Variants in FLT3 observed in about 807,000 individuals in gnomAD.
FLT3 encodes the protein fms related receptor tyrosine kinase 3, also known as receptor-type tyrosine-protein kinase FLT3.
In FLT3, 46 loss-of-function variants were observed where a neutral mutation model predicts 126.6. The ratio of observed to expected loss-of-function variants is 0.36; its 90% CI spans 0.29 to 0.46. The LOEUF (loss-of-function observed/expected upper bound fraction) is 0.46. Among genes scored for constraint, FLT3 ranks in the 20% least tolerant of loss-of-function variants. FLT3 has a pLI of 1.00. For synonymous variants in FLT3, 404 were observed against 434.4 expected (o/e 0.93, Z 0.87); for missense variants, 1,069 against 1,190.3 (o/e 0.90, Z 1.50).
intron 23 of FLT3, among the ~76,000 whole-genome samples, chr13:28,009,880 A>T (rs1287603659): frequency 6.6e-6 from 1 of 152,082 alleles, no homozygotes; most frequent in Admixed American, 6.6e-5. Context: ...CTTAAAACAA[A>T]ACAAACTTAT....
At chr13:28,093,225 C>A (rs1459080701) in intron 1 of FLT3, among the ~76,000 whole-genome samples, 1 of 150,704 alleles carries the variant, frequency 6.6e-6, no homozygotes, top group African/African-American at 2.5e-5. Flanking sequence ...CACACCTGGC[C>A]TCTTTTTTTT....
At chr13:28,073,180 A>AT in intron 1 of FLT3, among the ~76,000 whole-genome samples, 1 of 151,884 alleles carries the variant, frequency 6.6e-6, no homozygotes, top group African/African-American at 2.4e-5. Flanking sequence ...ATCTCTAAAA[A>AT]TTTTTTTTAA....
At chr13:28,014,089 C>A (rs959864420) in intron 23 of FLT3, among the ~76,000 whole-genome samples, 29 of 152,000 alleles carry the variant, frequency 1.9e-4, no homozygotes, top group African/African-American at 6.8e-4. Flanking sequence ...CTGGGCAATA[C>A]AGTGATACCC....
chr13:28,053,692 T>C (rs914406115), intron 4 of FLT3, among the ~76,000 whole-genome samples: 6 of 152,268 alleles, frequency 3.9e-5, no homozygotes, highest in Non-Finnish European at 8.8e-5. Context: ...ATGTAACTTC[T>C]ACAACTTCAT....
Position 28,018,450 on chromosome 13 carries a change from G to A in FLT3, c.2541+17C>T, listed in dbSNP as rs1872079256. On this transcript the variant is annotated intron_variant, in intron 20 of 23. Transcript: ENST00000241453. ...CAAAATAGCCGTATAAAAATAAGTA[G>A]GAAATAGCAGCCTCACATTGCCCCT... 6.2e-7 allele frequency: 1 copy of A among 1,613,368 alleles called. No homozygotes were observed. The highest frequency in any genetic ancestry group is 8.5e-7 in the Non-Finnish European group (1 of 1,179,478).
chr13:28,052,823 C>T, intron 4 of FLT3, 149 bp from the exon 5 acceptor site: 1 of 464,270 alleles, frequency 2.2e-6, no homozygotes, highest in Non-Finnish European at 3.7e-6. Context: ...GCATCAAAAG[C>T]AAACCAACCA....
At chr13:28,012,911 T>C (rs1871523419) in intron 23 of FLT3, among the ~76,000 whole-genome samples, 1 of 151,098 alleles carries the variant, frequency 6.6e-6, no homozygotes, top group Admixed American at 6.6e-5. Flanking sequence ...CACTCCAGCC[T>C]GGATGACAGA....
chr13:28,096,209 G>A (rs1879438818), intron 1 of FLT3, among the ~76,000 whole-genome samples: 1 of 151,920 alleles, frequency 6.6e-6, no homozygotes, highest in African/African-American at 2.4e-5. Flanking sequence ...ACAAAAATTA[G>A]TCGGGTGTCA....
chr13:28,041,643 A>C (rs1484355061), intron 9 of FLT3, among the ~76,000 whole-genome samples: 3 of 152,232 alleles, frequency 2.0e-5, no homozygotes, highest in Non-Finnish European at 4.4e-5. Flanking sequence ...TTAACCCTGG[A>C]AACAATGACA....
intron 3 of FLT3, among the ~76,000 whole-genome samples, chr13:28,059,011 A>C (rs1876295915): frequency 6.6e-6 from 1 of 152,218 alleles, no homozygotes; most frequent in Non-Finnish European, 1.5e-5. Context: ...ACTGTGGCTC[A>C]CGCCTGTAAT....
At chr13:28,095,652 A>T (rs1879404594) in intron 1 of FLT3, among the ~76,000 whole-genome samples, 1 of 152,160 alleles carries the variant, frequency 6.6e-6, no homozygotes. Flanking sequence ...AATACTCTTG[A>T]GATTATTTGC....
chr13:28,033,519 C>A (rs1162260934), intron 15 of FLT3, among the ~76,000 whole-genome samples: 1 of 152,036 alleles, frequency 6.6e-6, no homozygotes, highest in African/African-American at 2.4e-5. Flanking sequence ...AAAAACTTAG[C>A]TGAGCGTGGT....
intron 1 of FLT3, among the ~76,000 whole-genome samples, chr13:28,079,277 T>C (rs1878166134): frequency 6.6e-6 from 1 of 152,146 alleles, no homozygotes; most frequent in Non-Finnish European, 1.5e-5. Context: ...CCCAACAAGT[T>C]CCTCATCTCC....
chr13:28,059,192 G>A (rs1876312706), intron 3 of FLT3, among the ~76,000 whole-genome samples: 1 of 152,154 alleles, frequency 6.6e-6, no homozygotes, highest in Non-Finnish European at 1.5e-5. Flanking sequence ...ACAAATAACT[G>A]GTACAAGTTG....
At chr13:28,069,767 T>C (rs1211862465) in intron 2 of FLT3, among the ~76,000 whole-genome samples, 1 of 152,190 alleles carries the variant, frequency 6.6e-6, no homozygotes, top group Non-Finnish European at 1.5e-5. Flanking sequence ...TTAGGTATTA[T>C]AAAGCATTTG....
At chr13:28,052,493 A>G in intron 5 of FLT3, 52 bp downstream of exon 5, 3 of 1,545,936 alleles carry the variant, frequency 1.9e-6, no homozygotes, top group Non-Finnish European at 1.8e-6. Context: ...CTACATTAGA[A>G]AAAGGCCAAA....
At chr13:28,023,217 G>A (rs1593225960) in intron 19 of FLT3, 133 bp downstream of exon 19, 1 of 886,524 alleles carries the variant, frequency 1.1e-6, no homozygotes, top group Non-Finnish European at 1.7e-6. Flanking sequence ...TAACACGCTA[G>A]GTGACTCCAA....
intron 1 of FLT3, among the ~76,000 whole-genome samples, chr13:28,079,063 AT>A (rs1878151697): frequency 1.3e-5 from 2 of 152,060 alleles, no homozygotes. Flanking sequence ...CCCAACTTTT[AT>A]GCTCTGCTTC....
In FLT3 at chr13:28,015,194, A is replaced by G. The variant is rs1478647878; in HGVS notation, c.2716T>C (p.Phe906Leu). The G allele has an allele frequency of 1.6e-5, 26 of 1,612,090 alleles. No individual in the cohort carries two copies. Among genetic ancestry groups the G allele is most frequent in the Non-Finnish European group, 2.1e-5 (25 of 1,178,364 alleles). Reference protein sequence around the residue: ...ANFYKLIQNGFKMDQPFYATE... With the variant: ...ANFYKLIQNGLKMDQPFYATE... ...GCATAAAATGGCTGATCCATTTTAA[A>G]TCCATTTTGAATCAGTTTGTAGAAG... The change falls in exon 22 of 24, where the codon TTT becomes CTT. Residue 906 changes from phenylalanine to leucine, a missense_variant. By Grantham distance (22) the Phe-to-Leu change is conservative. Transcript: ENST00000241453.
Sources: allele counts gnomAD v4.1 joint callset (sites outside exome capture counted in the v4.1 genomes callset), GRCh38; gene constraint gnomAD v4.1.1; transcripts MANE v1.5; gene names NCBI Gene and HGNC (gene_info 2026-07-23, HGNC 2026-07-21).